AP3B2: variants seen among roughly 807,000 people sequenced by gnomAD.
AP3B2 encodes AP-3 complex subunit beta-2.
A neutral mutation model predicts 126.9 loss-of-function variants in AP3B2; 50 were observed. The ratio of observed to expected loss-of-function variants is 0.39; its 90% CI spans 0.31 to 0.50. AP3B2 has a LOEUF of 0.50. Ranked by LOEUF, AP3B2 falls within the 20% of genes least tolerant of loss-of-function variation. The pLI, the probability that AP3B2 is intolerant of heterozygous loss-of-function variation, is 0.79. For synonymous variants in AP3B2, 541 were observed against 565.0 expected (o/e 0.96, Z 0.60); for missense variants, 1,177 against 1,426.4 (o/e 0.83, Z 2.82).
chr15:82,678,059 G>T, intron 11 of AP3B2, 46 bp downstream of exon 11: 1 of 1,596,948 alleles, frequency 6.3e-7, no homozygotes, highest in South Asian at 1.1e-5. Flanking sequence ...ACAAGGATCT[G>T]ATGGGCCCCT....
At chr15:82,662,609 TGGCACAAGGA>T in intron 23 of AP3B2, 75 bp downstream of exon 23, 1 of 1,327,844 alleles carries the variant, frequency 7.5e-7, no homozygotes, top group Non-Finnish European at 1.0e-6. Flanking sequence ...GCCCCTGGCC[TGGCACAAGGA>T]GGGTATCAGC....
Position 82,664,252 on chromosome 15 carries a change from C to T in AP3B2, c.2261+115G>A. On this transcript the variant is annotated intron_variant, in intron 19 of 26. Transcript: ENST00000535359. This position sits in a 1 kb window ranked among gnomAD's most constrained non-coding sequence, Gnocchi z 4.5. The stretch of plus-strand genomic sequence containing the variant: ...GGCGTCATGTGAGCTGACAGCCCCA[C>T]CCAGCTCACGAGGGGCTCAGGGGCT... 1 of 1,516,958 alleles carries T rather than the reference C, an allele frequency of 6.6e-7. No homozygotes were observed. Among genetic ancestry groups the T allele is most frequent in the Non-Finnish European group, 9.0e-7 (1 of 1,116,676 alleles). 94.0% of individuals were successfully genotyped at this position (1,516,958 alleles called of 1,614,324 possible).
intron 1 of AP3B2, among the ~76,000 whole-genome samples, chr15:82,701,550 C>T (rs1388533370): frequency 7.9e-5 from 12 of 152,198 alleles, no homozygotes; most frequent in Non-Finnish European, 1.5e-5. Context: ...CTACTTACCA[C>T]CTGTGTGCTC....
chr15:82,667,498 C>G (rs571266100), intron 14 of AP3B2, among the ~76,000 whole-genome samples: 11 of 152,370 alleles, frequency 7.2e-5, no homozygotes, highest in African/African-American at 2.4e-4. Flanking sequence ...GACATCAGGG[C>G]AAACTGCAGC....
intron 21 of AP3B2, 29 bp from the exon 22 acceptor site, chr15:82,663,262 G>T (rs760771805): frequency 6.4e-7 from 1 of 1,559,406 alleles, no homozygotes; most frequent in South Asian, 1.1e-5. Flanking sequence ...CTATGAGGAG[G>T]CAAAGTGGAG....
intron 1 of AP3B2, among the ~76,000 whole-genome samples, chr15:82,700,415 T>TTTTTTTTTTTTTTTTTTTTTTC (rs58240249): frequency 7.5e-6 from 1 of 133,190 alleles, no homozygotes; most frequent in East Asian, 2.2e-4. Context: ...TTTTTTTTTT[T>TTTTTTTTTTTTTTTTTTTTTTC]CAGATGGAGT....
chr15:82,664,226 A>G lies in AP3B2; in HGVS notation c.2261+141T>C. 1 of 1,379,588 alleles carries G rather than the reference A, an allele frequency of 7.2e-7. No individual in the cohort carries two copies. The highest frequency in any genetic ancestry group is 9.8e-7 in the Non-Finnish European group (1 of 1,017,750). The allele number at this position is 1,379,588 out of a possible 1,614,324, so 85.5% of individuals were successfully genotyped here. On this transcript the variant is annotated intron_variant, in intron 19 of 26. Coordinates refer to ENST00000535359, the MANE Select transcript of AP3B2 (RefSeq NM_001278512.2). This position sits in a 1 kb window ranked among gnomAD's most constrained non-coding sequence, Gnocchi z 4.5. ...GAGATCTCCTGCAGCCAGCGAAAGT[A>G]GGCGTCATGTGAGCTGACAGCCCCA...
intron 1 of AP3B2, among the ~76,000 whole-genome samples, chr15:82,705,509 T>C (rs2048783226): frequency 6.6e-6 from 1 of 152,172 alleles, no homozygotes; most frequent in African/African-American, 2.4e-5. Flanking sequence ...ATTTCAAACA[T>C]GCTTTCTTTA....
At chr15:82,663,099 G>T in intron 22 of AP3B2, 28 bp downstream of exon 22, 1 of 1,574,850 alleles carries the variant, frequency 6.3e-7, no homozygotes, top group Non-Finnish European at 8.7e-7. Context: ...CCCTGCCCCA[G>T]CCCGGTCCCC....
chr15:82,702,428 G>A (rs144631812), intron 1 of AP3B2, among the ~76,000 whole-genome samples: 3,901 of 152,228 alleles, frequency 0.026, 81 homozygotes, highest in Admixed American at 0.046. Context: ...TGACCTGCAC[G>A]TATATATCCA....
intron 1 of AP3B2, chr15:82,692,675 G>C (rs1467524564): frequency 6.5e-6 from 1 of 154,578 alleles, no homozygotes. Context: ...TGACCTCTCA[G>C]ACCAAACTGA....
chr15:82,704,106 G>A (rs754592018), intron 1 of AP3B2, among the ~76,000 whole-genome samples: 5 of 152,060 alleles, frequency 3.3e-5, no homozygotes, highest in Admixed American at 3.3e-4. Context: ...TCCTTTATCC[G>A]ACCTCTGCCA....
Position 82,680,052 on chromosome 15 carries a change from T to C in AP3B2, c.1110+123A>G. On this transcript the variant is annotated intron_variant, in intron 9 of 26. Transcript: ENST00000535359. The surrounding 1 kb of genome is among the most constrained non-coding windows in gnomAD (Gnocchi z 6.1). ...TTGGAGCCTCCCCTGCCCCATCCTC[T>C]GCACAGCCAGGGTATTCCTCCATCT... 1 of 1,390,472 alleles carries C rather than the reference T, an allele frequency of 7.2e-7. No individual in the cohort carries two copies. 86.1% of individuals were successfully genotyped at this position (1,390,472 alleles called of 1,614,324 possible).
intron 1 of AP3B2, among the ~76,000 whole-genome samples, chr15:82,690,302 G>A (rs549073523): frequency 6.7e-5 from 10 of 150,272 alleles, no homozygotes; most frequent in Admixed American, 3.3e-4. Context: ...TGTGCACAAC[G>A]TGCAGCTTTG....
chr15:82,667,945 C>G (rs1293803226), intron 14 of AP3B2, among the ~76,000 whole-genome samples: 2 of 152,046 alleles, frequency 1.3e-5, no homozygotes, highest in Non-Finnish European at 2.9e-5. Flanking sequence ...TCAAAACCAC[C>G]AAGTGGTCAA....
At chr15:82,684,412 A>G (rs954996642) in intron 4 of AP3B2, among the ~76,000 whole-genome samples, 3 of 152,174 alleles carry the variant, frequency 2.0e-5, no homozygotes, top group Non-Finnish European at 4.4e-5. Flanking sequence ...TTTCTTCTGT[A>G]GCTTCCTCAC....
intron 1 of AP3B2, among the ~76,000 whole-genome samples, chr15:82,705,004 C>G (rs573651831): frequency 1.8e-4 from 28 of 152,284 alleles, no homozygotes; most frequent in African/African-American, 6.7e-4. Flanking sequence ...GCGCAGTTCC[C>G]TTATTAGGCC....
rs141785794 is a variant in AP3B2 at position 82,694,080 on chromosome 15, T to G, written c.114-4627A>C. ...GTGCAGTGGCGCAATCTCGGCTCAC[T>G]GCAGCCTCAACCTCCTGGGTTCAAG... On this transcript the variant is annotated intron_variant, in intron 1 of 26. Transcript: ENST00000535359. Among the ~76,000 whole-genome samples, 59 of 152,192 alleles carry G rather than the reference T, an allele frequency of 3.9e-4. 2 individuals are homozygous for G. The East Asian group carries it at 9.7e-3, about 25-fold the overall frequency.
chr15:82,708,034 C>T (rs2048824209), intron 1 of AP3B2, among the ~76,000 whole-genome samples: 1 of 152,196 alleles, frequency 6.6e-6, no homozygotes, highest in Non-Finnish European at 1.5e-5. Flanking sequence ...AATGTCAGGC[C>T]TCTGAGCCCA....
Sources: allele counts gnomAD v4.1 joint callset (sites outside exome capture counted in the v4.1 genomes callset), GRCh38; gene constraint gnomAD v4.1.1; non-coding constraint Gnocchi (gnomAD v3.1); transcripts MANE v1.5; gene names NCBI Gene and HGNC (gene_info 2026-07-23, HGNC 2026-07-21).